The following LMO7 variants were observed in gnomAD, a reference collection of about 807,000 sequenced individuals.
LMO7 encodes LIM domain 7.
Under a neutral mutation model 206.5 loss-of-function variants are expected in LMO7, and 120 were observed. The observed-to-expected ratio is 0.58, with a 90% CI of 0.50 to 0.68. The LOEUF (loss-of-function observed/expected upper bound fraction) is 0.68, where lower values mean the gene tolerates loss of function less well. Among genes scored for constraint, LMO7 ranks in the 30% least tolerant of loss-of-function variants. LMO7 has a pLI of 0.00. For synonymous variants in LMO7, 706 were observed against 681.5 expected (o/e 1.04, Z -0.56); for missense variants, 1,959 against 1,957.9 (o/e 1.00, Z -0.01).
At chr13:75,702,078 T>G (rs1328453957) in intron 1 of LMO7, among the ~76,000 whole-genome samples, 1 of 152,212 alleles carries the variant, frequency 6.6e-6, no homozygotes, top group African/African-American at 2.4e-5. Flanking sequence ...CTTCTTCTCG[T>G]GGACTAGAAA....
intron 14 of LMO7, among the ~76,000 whole-genome samples, chr13:75,822,635 C>A (rs1727449382): frequency 6.6e-6 from 1 of 151,470 alleles, no homozygotes; most frequent in Admixed American, 6.6e-5. Flanking sequence ...AGGCATATAA[C>A]TTTTTACCCA....
chr13:75,680,571 C>CTT (rs111870938), intron 1 of LMO7, among the ~76,000 whole-genome samples: 307 of 148,130 alleles, frequency 2.1e-3, no homozygotes, highest in Non-Finnish European at 3.5e-3. Context: ...TGTTTCTTGA[C>CTT]TTTTTTTTTT....
At chr13:75,724,081 C>T (rs1338488582) in intron 2 of LMO7, among the ~76,000 whole-genome samples, 2 of 152,078 alleles carry the variant, frequency 1.3e-5, no homozygotes, top group Non-Finnish European at 2.9e-5. Context: ...AGGGGCTCCA[C>T]CTCCTAGTAC....
chr13:75,695,384 C>T (rs138320585), intron 1 of LMO7, among the ~76,000 whole-genome samples: 16 of 152,314 alleles, frequency 1.1e-4, no homozygotes, highest in Admixed American at 2.6e-4. Context: ...TATTTTGAGA[C>T]GGAGTCTCGC....
intron 3 of LMO7, among the ~76,000 whole-genome samples, chr13:75,729,087 T>G (rs2044816831): frequency 6.6e-6 from 1 of 151,918 alleles, no homozygotes; most frequent in African/African-American, 2.4e-5. Context: ...TTCTTTTGGC[T>G]TAGGATTGAC....
chr13:75,695,344 T>G (rs1046999692), intron 1 of LMO7, among the ~76,000 whole-genome samples: 2 of 152,232 alleles, frequency 1.3e-5, no homozygotes, highest in African/African-American at 4.8e-5. Flanking sequence ...TCTCCCAAAA[T>G]GCACACCATT....
chr13:75,655,535 CTT>C (rs1373796696), intron 1 of LMO7, among the ~76,000 whole-genome samples: 2 of 151,478 alleles, frequency 1.3e-5, no homozygotes, highest in Non-Finnish European at 2.9e-5. Context: ...ATTTCTATCT[CTT>C]TGTAAAAGTA....
chr13:75,728,750 T>C (rs1343996490), intron 3 of LMO7, among the ~76,000 whole-genome samples: 2 of 135,430 alleles, frequency 1.5e-5, no homozygotes, highest in Non-Finnish European at 3.1e-5. Flanking sequence ...AGGGTTTTTA[T>C]GGTTTTAGGT....
chr13:75,678,996 C>T (rs1407056803), intron 1 of LMO7, among the ~76,000 whole-genome samples: 6 of 152,176 alleles, frequency 3.9e-5, no homozygotes, highest in African/African-American at 1.4e-4. Context: ...TCAGCGTCTC[C>T]AGTGATAAAG....
intron 1 of LMO7, among the ~76,000 whole-genome samples, chr13:75,673,816 A>G (rs1359482620): frequency 3.3e-5 from 5 of 152,246 alleles, no homozygotes; most frequent in Admixed American, 6.5e-5. Flanking sequence ...AAGCATACAG[A>G]AAAATAATAG....
At position 75,843,684 on chromosome 13, in the gene LMO7, A is replaced by G. The variant is rs148447174; in HGVS notation, c.4097+768A>G. Among the ~76,000 whole-genome samples, 822 of 152,322 alleles carry G rather than the reference A, an allele frequency of 5.4e-3. 4 individuals are homozygous for G. Among genetic ancestry groups the G allele is most frequent in the African/African-American group, 0.019 (773 of 41,574 alleles). ...AGTTACATGTATCTTAAAATTTCCT[A>G]AAACATTGTTTTAATGTTTTAAAGC... On this transcript the variant is annotated intron_variant, in intron 25 of 30. Transcript: ENST00000377534.
At chr13:75,642,064 G>A (rs2036592882) in intron 1 of LMO7, among the ~76,000 whole-genome samples, 1 of 152,172 alleles carries the variant, frequency 6.6e-6, no homozygotes, top group African/African-American at 2.4e-5. Context: ...AAGAGATGAG[G>A]GAATTAATGA....
chr13:75,735,872 A>G (rs1594638214), intron 3 of LMO7, among the ~76,000 whole-genome samples: 1 of 152,072 alleles, frequency 6.6e-6, no homozygotes, highest in Non-Finnish European at 1.5e-5. Context: ...AGTAAGTTTC[A>G]ATAGTATTGA....
chr13:75,713,209 A>C lies in LMO7; in HGVS notation c.97A>C (p.Lys33Gln). ...EAVTEKNFET[K>Q]DFRASLENGV... ...AGTAACAGAGAAGAATTTTGAAACAAAAGATTTTCGAGCCTCTCTAGAAAA... is the reference window on the plus strand; with the variant it reads ...AGTAACAGAGAAGAATTTTGAAACACAAGATTTTCGAGCCTCTCTAGAAAA... The change falls in exon 2 of 31, where the codon AAA (lysine) becomes CAA (glutamine). Residue 33 changes from lysine (K) to glutamine (Q), a missense_variant. By Grantham distance (53) the Lys-to-Gln change is moderately conservative (BLOSUM62 1). Coordinates refer to ENST00000377534, the MANE Select transcript of LMO7 (RefSeq NM_001306080.2). 1 of 1,612,010 alleles carries C rather than the reference A, an allele frequency of 6.2e-7. No individual in the cohort carries two copies. The highest frequency in any genetic ancestry group is 8.5e-7 in the Non-Finnish European group (1 of 1,178,794).
chr13:75,649,129 G>C (rs2037321446), intron 1 of LMO7, among the ~76,000 whole-genome samples: 1 of 152,174 alleles, frequency 6.6e-6, no homozygotes, highest in South Asian at 2.1e-4. Context: ...TACTTAGTAT[G>C]GAAGGTGCTG....
chr13:75,727,137 C>G, intron 3 of LMO7, 39 bp downstream of exon 3: 1 of 1,312,106 alleles, frequency 7.6e-7, no homozygotes, highest in Non-Finnish European at 1.1e-6. Context: ...ATTTATTTGT[C>G]TTTGAAATGT....
At chr13:75,857,700 T>C (rs190184650) in intron 30 of LMO7, 8 of 380,308 alleles carry the variant, frequency 2.1e-5, no homozygotes, top group East Asian at 1.6e-4. Flanking sequence ...GTGTAATTTA[T>C]TTCTATTGTG....
intron 27 of LMO7, among the ~76,000 whole-genome samples, chr13:75,850,588 T>A (rs145898163): frequency 1.3e-5 from 2 of 152,316 alleles, no homozygotes; most frequent in East Asian, 3.9e-4. Context: ...AAGAAAAGTG[T>A]TGCTACATAA....
intron 11 of LMO7, among the ~76,000 whole-genome samples, chr13:75,810,529 A>T (rs73227980): frequency 0.011 from 1,689 of 152,346 alleles, 18 homozygotes; most frequent in Non-Finnish European, 0.016. Context: ...AAGGCACATT[A>T]TCCGCTTTCC....
Sources: allele counts gnomAD v4.1 joint callset (sites outside exome capture counted in the v4.1 genomes callset), GRCh38; gene constraint gnomAD v4.1.1; transcripts MANE v1.5; gene names NCBI Gene and HGNC (gene_info 2026-07-23, HGNC 2026-07-21).